UBE2K: variants seen among roughly 807,000 people sequenced by gnomAD.
UBE2K encodes ubiquitin-conjugating enzyme E2 K.
A neutral mutation model predicts 30.0 loss-of-function variants in UBE2K; 6 were observed. That is an observed-to-expected ratio of 0.20 (90% CI 0.11 to 0.39). The LOEUF is 0.39. Ranked by LOEUF, UBE2K falls within the 10% of genes least tolerant of loss-of-function variation. The probability of loss-of-function intolerance (pLI) is 1.00; values close to 1 mark genes in which losing one functional copy is unlikely to be tolerated. For synonymous variants in UBE2K, 86 were observed against 83.7 expected, an observed-to-expected ratio of 1.03 and a Z score of -0.15; for missense variants, 61 against 241.6, an observed-to-expected ratio of 0.25 and a Z score of 4.96.
intron 5 of UBE2K, among the ~76,000 whole-genome samples, chr4:39,777,111 T>C (rs1226236427): frequency 6.6e-6 from 1 of 152,228 alleles, no homozygotes; most frequent in Non-Finnish European, 1.5e-5. Context: ...CCAATGCATA[T>C]GGGAAGTCTT....
chr4:39,708,043 T>C (rs539656681), intron 1 of UBE2K, among the ~76,000 whole-genome samples: 2 of 152,042 alleles, frequency 1.3e-5, no homozygotes, highest in South Asian at 4.1e-4. Context: ...ATTACAGGCA[T>C]GCACCACCAC....
intron 1 of UBE2K, among the ~76,000 whole-genome samples, chr4:39,710,912 T>G (rs1384348514): frequency 6.6e-6 from 1 of 152,068 alleles, no homozygotes; most frequent in Non-Finnish European, 1.5e-5. Flanking sequence ...CTAAACTGCC[T>G]CTACCCAAAT....
At chr4:39,717,819 C>T (rs1364757573) in intron 1 of UBE2K, among the ~76,000 whole-genome samples, 2 of 151,738 alleles carry the variant, frequency 1.3e-5, no homozygotes, top group African/African-American at 4.9e-5. Flanking sequence ...CTGGTGGGTT[C>T]GTGGTCTCGC....
At chr4:39,728,596 T>C (rs761005028) in intron 1 of UBE2K, among the ~76,000 whole-genome samples, 1 of 151,960 alleles carries the variant, frequency 6.6e-6, no homozygotes, top group Non-Finnish European at 1.5e-5. Context: ...TTCTTTCCTT[T>C]TCCCTTTCCC....
chr4:39,714,887 G>C (rs1289049474), intron 1 of UBE2K, among the ~76,000 whole-genome samples: 1 of 151,324 alleles, frequency 6.6e-6, no homozygotes, highest in African/African-American at 2.4e-5. Flanking sequence ...TCACTCACAC[G>C]CTTACCCAGG....
At chr4:39,751,873 G>A (rs1017649177) in intron 3 of UBE2K, among the ~76,000 whole-genome samples, 4 of 152,072 alleles carry the variant, frequency 2.6e-5, no homozygotes, top group South Asian at 2.1e-4. Flanking sequence ...AGACTGAGGC[G>A]GGAGAGTCAC....
intron 1 of UBE2K, among the ~76,000 whole-genome samples, chr4:39,699,563 T>G (rs1717893082): frequency 6.6e-6 from 1 of 152,222 alleles, no homozygotes; most frequent in Admixed American, 6.5e-5. Flanking sequence ...TCAACAAGAA[T>G]GCCAGATTGT....
At chr4:39,739,627 A>G (rs1006259279) in intron 2 of UBE2K, among the ~76,000 whole-genome samples, 1 of 151,816 alleles carries the variant, frequency 6.6e-6, no homozygotes, top group Non-Finnish European at 1.5e-5. Context: ...TTGTATTTTT[A>G]GTAGAGGCGG....
At chr4:39,717,789 G>T (rs547165887) in intron 1 of UBE2K, among the ~76,000 whole-genome samples, 5 of 152,172 alleles carry the variant, frequency 3.3e-5, no homozygotes, top group Admixed American at 1.3e-4. Context: ...ATGTTCGGTT[G>T]TGTTCGGAGT....
chr4:39,770,103 T>C, intron 4 of UBE2K: 1 of 1,570,048 alleles, frequency 6.4e-7, no homozygotes. Context: ...GACATTAATC[T>C]CGGCCACACT....
intron 1 of UBE2K, among the ~76,000 whole-genome samples, chr4:39,721,996 G>A (rs763292767): frequency 1.2e-4 from 18 of 152,058 alleles, no homozygotes; most frequent in Admixed American, 2.6e-4. Flanking sequence ...AGCCGAGGTC[G>A]GAGGATTGCT....
At chr4:39,713,159 C>T (rs922985713) in intron 1 of UBE2K, among the ~76,000 whole-genome samples, 28 of 152,032 alleles carry the variant, frequency 1.8e-4, no homozygotes, top group East Asian at 1.9e-4. Flanking sequence ...CCACCATGCC[C>T]GGCCATGTTT....
intron 1 of UBE2K, among the ~76,000 whole-genome samples, chr4:39,718,770 C>T (rs781162647): frequency 6.6e-6 from 1 of 152,250 alleles, no homozygotes; most frequent in Non-Finnish European, 1.5e-5. Flanking sequence ...CTGCCCAGGG[C>T]CAGCAGGGCC....
At position 39,781,683 on chromosome 4, in the gene UBE2K, T is replaced by C. The variant is rs1269186041; in HGVS notation, c.*3249T>C. 5.4e-6 allele frequency: 2 copies of C among 367,054 alleles called. No individual in the cohort carries two copies. Among genetic ancestry groups the C allele is most frequent in the South Asian group, 1.5e-4 (1 of 6,734 alleles). The allele number at this position is 367,054 out of a possible 1,614,324, so 22.7% of individuals were successfully genotyped here. A position where few individuals can be genotyped will look rare whatever the true frequency, so the allele number is the denominator to read the frequency against. On this transcript the variant is annotated 3_prime_UTR_variant, in exon 7 of 7. Transcript: ENST00000261427. ...GGTAGGGAACAGCTGGAGCCAGGTATACCTTCTAGTATGTAGAGGGAAACA... is the reference window on the plus strand; with the variant it reads ...GGTAGGGAACAGCTGGAGCCAGGTACACCTTCTAGTATGTAGAGGGAAACA...
chr4:39,747,718 G>A (rs919884454), intron 3 of UBE2K, among the ~76,000 whole-genome samples: 1 of 152,020 alleles, frequency 6.6e-6, no homozygotes, highest in South Asian at 2.1e-4. Flanking sequence ...CTGGGTTCAC[G>A]CCATTCTACT....
In UBE2K at chr4:39,745,757, A is replaced by C; in HGVS notation, c.163A>C (p.Arg55=). The change falls in exon 3 of 7, where the codon AGA becomes CGA. Residue 55 remains arginine (R), a synonymous_variant. Transcript: ENST00000261427. ...TGTTTTCCCCATTTTTTTAGGAGGA[A>C]GATACCAACTAGAGATAAAAATACC... ...GPPDTPYEGG[R]YQLEIKIPET... The C allele has an allele frequency of 6.2e-7, 1 of 1,605,038 alleles. No individual in the cohort carries two copies. Among genetic ancestry groups the C allele is most frequent in the Non-Finnish European group, 8.5e-7 (1 of 1,174,590 alleles).
At chr4:39,777,603 AT>A in intron 5 of UBE2K, 78 bp from the exon 6 acceptor site, 1 of 1,273,678 alleles carries the variant, frequency 7.9e-7, no homozygotes, top group Non-Finnish European at 1.0e-6. Flanking sequence ...GAAAAGTAGG[AT>A]TGTAGGCGAT....
At chr4:39,769,530 A>G (rs1712601686) in intron 4 of UBE2K, among the ~76,000 whole-genome samples, 1 of 151,346 alleles carries the variant, frequency 6.6e-6, no homozygotes. Context: ...CAAGCCTCAT[A>G]CTTGCAGTCT....
chr4:39,732,865 A>G (rs1327970435), intron 1 of UBE2K, among the ~76,000 whole-genome samples: 2 of 151,774 alleles, frequency 1.3e-5, no homozygotes, highest in Non-Finnish European at 2.9e-5. Context: ...TAGTAGAGAC[A>G]GGGTTTTGCC....
Sources: allele counts gnomAD v4.1 joint callset (sites outside exome capture counted in the v4.1 genomes callset), GRCh38; gene constraint gnomAD v4.1.1; transcripts MANE v1.5; gene names NCBI Gene and HGNC (gene_info 2026-07-23, HGNC 2026-07-21).